The following RYR3 variants were observed in gnomAD, a reference collection of about 807,000 sequenced individuals.
The protein encoded by RYR3 is ryanodine receptor 3.
Under a neutral mutation model 584.3 loss-of-function variants are expected in RYR3, and 207 were observed. The observed-to-expected ratio is 0.35, with a 90% CI of 0.32 to 0.40. The LOEUF is 0.40. Among genes scored for constraint, RYR3 ranks in the 10% least tolerant of loss-of-function variants. The probability of loss-of-function intolerance (pLI) is 1.00; values close to 1 mark genes in which losing one functional copy is unlikely to be tolerated. For missense variants in RYR3, 5,616 were observed against 6,089.2 expected, an observed-to-expected ratio of 0.92 and a Z score of 2.59; for synonymous variants, 2,416 against 2,248.5, an observed-to-expected ratio of 1.07 and a Z score of -2.11.
chr15:33,848,478 G>T, intron 94 of RYR3, 57 bp downstream of exon 94: 1 of 1,543,500 alleles, frequency 6.5e-7, no homozygotes, highest in Admixed American at 2.2e-5. Context: ...TGTAAATAGA[G>T]TAACTCTTTC....
At position 33,707,016 on chromosome 15, in the gene RYR3, G is replaced by A. The variant is rs781035589; in HGVS notation, c.6581G>A (p.Arg2194His). 3 of 1,614,016 alleles carry A rather than the reference G, an allele frequency of 1.9e-6. No individual in the cohort carries two copies. Among genetic ancestry groups the A allele is most frequent in the Non-Finnish European group, 1.7e-6 (2 of 1,179,914 alleles). Reference protein sequence around the residue: ...DVGWNPIEGERYLSFLRFAVF... With the variant: ...DVGWNPIEGEHYLSFLRFAVF... ...GGCTGGAACCCCATTGAAGGGGAAC[G>A]CTACCTGTCCTTCCTGAGGTTTGCT... The change falls in exon 43 of 104, where the codon CGC becomes CAC. Residue 2194 changes from arginine to histidine, a missense_variant. Coordinates refer to ENST00000634891, the MANE Select transcript of RYR3 (RefSeq NM_001036.6).
chr15:33,846,259 GT>G (rs1033058562), intron 93 of RYR3, among the ~76,000 whole-genome samples: 1 of 152,242 alleles, frequency 6.6e-6, no homozygotes. Context: ...AACTGGTACA[GT>G]GTCATTTCCA....
At chr15:33,446,987 A>G (rs1353264312) in intron 1 of RYR3, among the ~76,000 whole-genome samples, 2 of 152,194 alleles carry the variant, frequency 1.3e-5, no homozygotes, top group East Asian at 3.9e-4. Context: ...AGACTCTTCT[A>G]TGCCATTGTA....
At chr15:33,408,282 G>T (rs373024806) in intron 1 of RYR3, among the ~76,000 whole-genome samples, 47 of 152,144 alleles carry the variant, frequency 3.1e-4, no homozygotes, top group African/African-American at 1.1e-3. Flanking sequence ...GTGTTAATTT[G>T]CTTAGGATAA....
chr15:33,537,982 T>C (rs1400654609), intron 5 of RYR3, among the ~76,000 whole-genome samples: 2 of 152,070 alleles, frequency 1.3e-5, no homozygotes, highest in East Asian at 3.9e-4. Flanking sequence ...CTTTTTCTTT[T>C]CTTTTCTTTT....
intron 20 of RYR3, among the ~76,000 whole-genome samples, chr15:33,627,196 C>T (rs1047475787): frequency 1.4e-4 from 22 of 152,266 alleles, no homozygotes; most frequent in African/African-American, 4.6e-4. Context: ...TAGCCATCTT[C>T]TAAGTTGTCA....
rs1596421490 is a variant in RYR3 at position 33,750,426 on chromosome 15, G to A, written c.8399+140G>A. On this transcript the variant is annotated intron_variant, in intron 57 of 103. Coordinates refer to ENST00000634891, the MANE Select transcript of RYR3 (RefSeq NM_001036.6). ...GAACATTTTTATTTTAGAACATGAA[G>A]CCCTCTTTTTTTGATATAAGCAGAA... The A allele has an allele frequency of 1.2e-5, 10 of 816,006 alleles. No individual in the cohort carries two copies. In the East Asian group the frequency reaches 2.8e-4, roughly 23 times the overall value. 50.5% of individuals were successfully genotyped at this position (816,006 alleles called of 1,614,324 possible).
intron 49 of RYR3, 39 bp downstream of exon 49, chr15:33,736,364 A>G: frequency 3.6e-6 from 5 of 1,405,894 alleles, no homozygotes; most frequent in Non-Finnish European, 5.0e-6. Context: ...AGTCTATTGC[A>G]CAGGAAACTT....
chr15:33,481,473 G>A (rs976164917), intron 2 of RYR3, among the ~76,000 whole-genome samples: 3 of 110,470 alleles, frequency 2.7e-5, no homozygotes, highest in African/African-American at 1.0e-4. Flanking sequence ...TATTATTTTT[G>A]AATACTTTTT....
rs775279129 is a variant in RYR3 at position 33,810,470 on chromosome 15, A to G, written c.10027-9A>G. On this transcript the variant is annotated splice_polypyrimidine_tract_variant and intron_variant, in intron 70 of 103. Transcript: ENST00000634891. ...ACCCCTCTCTGTTTATTTCAACATC[A>G]TCTCCTAGTCTGGAGGACAAGACCA... is the stretch of plus-strand genomic sequence containing the variant. 1.2e-6 allele frequency: 2 copies of G among 1,613,810 alleles called. No individual in the cohort carries two copies. Among genetic ancestry groups the G allele is most frequent in the South Asian group, 1.1e-5 (1 of 91,046 alleles).
rs755146189 is a variant in RYR3 at position 33,838,670 on chromosome 15, G to C, written c.12690G>C (p.Lys4230Asn). The C allele has an allele frequency of 1.2e-6, 2 of 1,613,982 alleles. No homozygotes were observed. Among genetic ancestry groups the C allele is most frequent in the Non-Finnish European group, 1.7e-6 (2 of 1,179,876 alleles). ...GGGCAAAGAACATCAGAGTGACCAA[G>C]ATCCTGGGTGACATGCCTGACCCAA... ...VEGAKNIRVTKILGDMPDPTQ... is the reference protein window; with the variant it reads ...VEGAKNIRVTNILGDMPDPTQ... Residue 4230 changes from lysine (K) to asparagine (N), a missense_variant, in exon 89 of 104, where the codon AAG becomes AAC. Coordinates refer to ENST00000634891, the MANE Select transcript of RYR3 (RefSeq NM_001036.6).
At chr15:33,815,335 G>A (rs2076760150) in intron 74 of RYR3, 1 of 152,374 alleles carries the variant, frequency 6.6e-6, no homozygotes, top group African/African-American at 2.4e-5. Flanking sequence ...ACATCAGAAA[G>A]TGTTTCCTTC....
intron 93 of RYR3, 135 bp downstream of exon 93, chr15:33,845,197 C>T (rs2078640850): frequency 1.3e-6 from 1 of 775,774 alleles, no homozygotes; most frequent in Non-Finnish European, 2.1e-6. Flanking sequence ...AGCAGCAGCA[C>T]ATCACTTGGG....
At chr15:33,491,748 T>C (rs2050978371) in intron 2 of RYR3, among the ~76,000 whole-genome samples, 1 of 152,054 alleles carries the variant, frequency 6.6e-6, no homozygotes, top group Non-Finnish European at 1.5e-5. Flanking sequence ...ACTTGGATGG[T>C]TGGACAGATG....
At chr15:33,787,147 C>T (rs1330866852) in intron 66 of RYR3, among the ~76,000 whole-genome samples, 1 of 152,196 alleles carries the variant, frequency 6.6e-6, no homozygotes, top group Admixed American at 6.5e-5. Flanking sequence ...ACAGGTGAAT[C>T]TAGACTTCAT....
rs139748024 is a variant in RYR3 at position 33,586,150 on chromosome 15, T to C, written c.1788+34T>C. 584 of 1,252,206 alleles carry C rather than the reference T, an allele frequency of 4.7e-4. No individual in the cohort carries two copies. In the African/African-American group the frequency reaches 7.8e-3, roughly 17 times the overall value. 77.6% of individuals were successfully genotyped at this position (1,252,206 alleles called of 1,614,324 possible). ...GGAAAGAACGGTGATTGACTTTGCCTGGTGTTTCCCTCCCCAATGTTCATG... is the reference window on the plus strand; with the variant it reads ...GGAAAGAACGGTGATTGACTTTGCCCGGTGTTTCCCTCCCCAATGTTCATG... On this transcript the variant is annotated intron_variant, in intron 16 of 103. Coordinates refer to ENST00000634891, the MANE Select transcript of RYR3 (RefSeq NM_001036.6).
At chr15:33,623,702 A>C (rs2060841608) in intron 19 of RYR3, 105 bp from the exon 20 acceptor site, 1 of 805,654 alleles carries the variant, frequency 1.2e-6, no homozygotes, top group South Asian at 1.7e-5. Context: ...TTCTCAACAA[A>C]ATTATGTTGA....
At chr15:33,669,843 TGGG>T (rs35446204) in intron 37 of RYR3, among the ~76,000 whole-genome samples, 1,453 of 21,982 alleles carry the variant, frequency 0.066, 80 homozygotes, top group African/African-American at 0.15. Flanking sequence ...TGTGTGTGTG[TGGG>T]GGGGGGGGGG....
chr15:33,496,243 T>G (rs2051409565), intron 2 of RYR3, among the ~76,000 whole-genome samples: 1 of 152,196 alleles, frequency 6.6e-6, no homozygotes, highest in Non-Finnish European at 1.5e-5. Context: ...ATGCAATGCA[T>G]ATAGAAGCCA....
Sources: allele counts gnomAD v4.1 joint callset (sites outside exome capture counted in the v4.1 genomes callset), GRCh38; gene constraint gnomAD v4.1.1; transcripts MANE v1.5; gene names NCBI Gene and HGNC (gene_info 2026-07-23, HGNC 2026-07-21).